CHD1L: variants seen among roughly 807,000 people sequenced by gnomAD.
The protein encoded by CHD1L is ATP-dependent chromatin remodeler CHD1L.
CHD1L carries 118 observed loss-of-function variants against 115.9 expected under a neutral mutation model. The observed-to-expected ratio is 1.02, with a 90% CI of 0.88 to 1.19. The LOEUF (loss-of-function observed/expected upper bound fraction) is 1.19. Among genes scored for constraint, CHD1L ranks in the 50% most tolerant of loss-of-function variants. The pLI is 0.00. For missense variants in CHD1L, 1,179 were observed against 1,065.3 expected (o/e 1.11, Z -1.49); for synonymous variants, 411 against 387.1 (o/e 1.06, Z -0.72).
intron 1 of CHD1L, among the ~76,000 whole-genome samples, chr1:147,247,854 C>G (rs369998551): frequency 3.9e-5 from 6 of 152,300 alleles, no homozygotes; most frequent in African/African-American, 1.4e-4. Flanking sequence ...AGAAACATTG[C>G]ATCTCTTTGA....
At chr1:147,203,805 G>A in the CHD1L span, 109 of 1,548,538 alleles carry the variant, frequency 7.0e-5, no homozygotes, top group Admixed American at 1.2e-4. Context: ...GAGCCCCGAA[G>A]TACTATGGTA....
chr1:147,236,325 T>C, the CHD1L span, among the ~76,000 whole-genome samples: 2 of 152,226 alleles, frequency 1.3e-5, no homozygotes, highest in Non-Finnish European at 2.9e-5. Context: ...TCTCTCCTTC[T>C]TGTTGCCCAC....
upstream of CHD1L, among the ~76,000 whole-genome samples, chr1:147,240,872 A>G (rs587740763): frequency 7.2e-5 from 11 of 152,284 alleles, no homozygotes; most frequent in East Asian, 2.1e-3. Context: ...TCTCTGAGAA[A>G]TGCCCGATAA....
chr1:147,226,635 C>T, the CHD1L span, among the ~76,000 whole-genome samples: 1 of 152,122 alleles, frequency 6.6e-6, no homozygotes, highest in Non-Finnish European at 1.5e-5. Context: ...TTGTAAGAGG[C>T]ATGGATTGTG....
chr1:147,212,295 T>G, the CHD1L span: 1 of 1,261,102 alleles, frequency 7.9e-7, no homozygotes, highest in Non-Finnish European at 1.1e-6. Flanking sequence ...AAGGGCTATG[T>G]GCAGGTATCC....
chr1:147,294,342 A>G (rs1339955045), intron 21 of CHD1L, 67 bp from the exon 22 acceptor site: 2 of 1,045,924 alleles, frequency 1.9e-6, no homozygotes, highest in African/African-American at 1.6e-5. Flanking sequence ...ATTTTCTCCC[A>G]TGTGTATTTT....
the CHD1L span, among the ~76,000 whole-genome samples, chr1:147,198,903 G>A: frequency 6.8e-6 from 1 of 146,688 alleles, no homozygotes; most frequent in Admixed American, 6.8e-5. Flanking sequence ...GAAATTGGAG[G>A]TTGTATCCAA....
chr1:147,276,904 A>G (rs7535451), intron 14 of CHD1L, among the ~76,000 whole-genome samples: 2,144 of 152,282 alleles, frequency 0.014, 45 homozygotes, highest in African/African-American at 0.049. Flanking sequence ...AAAGAGACCA[A>G]CTCCTAGGAT....
chr1:147,203,130 A>G, the CHD1L span: 1 of 335,380 alleles, frequency 3.0e-6, no homozygotes, highest in Non-Finnish European at 5.1e-6. Context: ...TTTTTTTGAC[A>G]GTAACAATAT....
chr1:147,177,018 C>T, the CHD1L span, among the ~76,000 whole-genome samples: 11 of 151,618 alleles, frequency 7.3e-5, no homozygotes, highest in Non-Finnish European at 1.3e-4. Context: ...TTCTGTCCTC[C>T]GAAGGCCTAG....
chr1:147,216,199 G>A, the CHD1L span, among the ~76,000 whole-genome samples: 4 of 152,270 alleles, frequency 2.6e-5, no homozygotes, highest in East Asian at 5.8e-4. Flanking sequence ...TGCGGATTCT[G>A]CCTGGGTCTC....
chr1:147,248,763 A>T (rs1277638911), intron 1 of CHD1L, among the ~76,000 whole-genome samples: 1 of 152,152 alleles, frequency 6.6e-6, no homozygotes, highest in Non-Finnish European at 1.5e-5. Context: ...GTATGTGTGT[A>T]TAAAATCACA....
At chr1:147,191,109 G>A in the CHD1L span, among the ~76,000 whole-genome samples, 1 of 152,130 alleles carries the variant, frequency 6.6e-6, no homozygotes, top group African/African-American at 2.4e-5. Flanking sequence ...TTGGTTCCAA[G>A]ACTTTGCTAT....
In CHD1L at chr1:147,256,451, G is replaced by A. The variant is rs1376181227; in HGVS notation, c.463-80G>A. On this transcript the variant is annotated intron_variant, in intron 4 of 22. Transcript: ENST00000369258. ...GACTTAGATAAATCCTATAGTTTAA[G>A]AGAGTTCACAGAAAACTAGCTTATC... 9 of 1,252,538 alleles carry A rather than the reference G, an allele frequency of 7.2e-6. No homozygotes were observed. In the East Asian group the frequency reaches 2.1e-4, roughly 29 times the overall value. 77.6% of individuals were successfully genotyped at this position (1,252,538 alleles called of 1,614,324 possible).
intron 20 of CHD1L, 55 bp from the exon 21 acceptor site, chr1:147,293,553 G>T: frequency 2.0e-6 from 3 of 1,480,764 alleles, no homozygotes; most frequent in South Asian, 1.1e-5. Flanking sequence ...GCGGTCACTT[G>T]GTTGAGTGTG....
chr1:147,209,302 G>T, the CHD1L span, among the ~76,000 whole-genome samples: 2 of 152,074 alleles, frequency 1.3e-5, no homozygotes, highest in African/African-American at 4.8e-5. Flanking sequence ...GCCAGGCGTG[G>T]TTGCAGGTGC....
chr1:147,188,270 C>A, the CHD1L span, among the ~76,000 whole-genome samples: 2 of 152,022 alleles, frequency 1.3e-5, no homozygotes, highest in African/African-American at 4.8e-5. Flanking sequence ...TGCCTGTAAT[C>A]CTAGCACTTT....
At chr1:147,178,407 T>C in the CHD1L span, 1 of 1,611,394 alleles carries the variant, frequency 6.2e-7, no homozygotes, top group South Asian at 1.1e-5. Context: ...ATGGAGTCAG[T>C]GGATATCCAA....
chr1:147,254,785 T>A, intron 2 of CHD1L, 85 bp from the exon 3 acceptor site: 1 of 796,832 alleles, frequency 1.3e-6, no homozygotes, highest in Non-Finnish European at 1.9e-6. Context: ...CAAGAGTGTG[T>A]GTTCCCTACA....
Sources: allele counts gnomAD v4.1 joint callset (sites outside exome capture counted in the v4.1 genomes callset), GRCh38; gene constraint gnomAD v4.1.1; transcripts MANE v1.5; gene names NCBI Gene and HGNC (gene_info 2026-07-23, HGNC 2026-07-21).